The following DNAH3 variants were observed in gnomAD, a reference collection of about 807,000 sequenced individuals.
The protein encoded by DNAH3 is axonemal beta dynein heavy chain 3.
DNAH3 carries 332 observed loss-of-function variants against 432.5 expected under a neutral mutation model. That is an observed-to-expected ratio of 0.77 (90% CI 0.70 to 0.84). DNAH3 has a LOEUF of 0.84. Among genes scored for constraint, DNAH3 ranks in the 40% least tolerant of loss-of-function variants. DNAH3 has a pLI of 0.00. For synonymous variants in DNAH3, 1,956 were observed against 1,900.2 expected, an observed-to-expected ratio of 1.03 and a Z score of -0.76; for missense variants, 4,861 against 5,114.0, an observed-to-expected ratio of 0.95 and a Z score of 1.51.
At chr16:20,957,981 CAA>C (rs2084649172) in intron 54 of DNAH3, among the ~76,000 whole-genome samples, 1 of 151,434 alleles carries the variant, frequency 6.6e-6, no homozygotes, top group Non-Finnish European at 1.5e-5. Context: ...TAGCTGTTTC[CAA>C]TGTTGATTAA....
intron 44 of DNAH3, among the ~76,000 whole-genome samples, chr16:20,994,347 A>T (rs1345304932): frequency 1.3e-5 from 2 of 152,140 alleles, no homozygotes; most frequent in Non-Finnish European, 2.9e-5. Flanking sequence ...CAAGAGAATC[A>T]CTTGAACCCG....
At chr16:21,092,584 C>T (rs2091566464) in intron 18 of DNAH3, among the ~76,000 whole-genome samples, 1 of 149,224 alleles carries the variant, frequency 6.7e-6, no homozygotes, top group East Asian at 2.0e-4. Flanking sequence ...TTAGTTACAA[C>T]ACAGAAGGCA....
At chr16:21,039,879 T>C in exon 33 of DNAH3, 4 of 1,613,154 alleles carry the variant, frequency 2.5e-6, no homozygotes, top group Non-Finnish European at 3.4e-6. Flanking sequence ...CCCCATGGAG[T>C]AGAGGGAGAT....
intron 44 of DNAH3, 74 bp from the exon 45 acceptor site, chr16:20,988,139 A>C (rs2086300774): frequency 1.3e-6 from 2 of 1,584,304 alleles, no homozygotes; most frequent in African/African-American, 1.3e-5. Flanking sequence ...CCTAGGATGC[A>C]CACGAGGTGG....
chr16:21,022,677 C>A (rs2088305176), intron 39 of DNAH3, among the ~76,000 whole-genome samples: 1 of 151,608 alleles, frequency 6.6e-6, no homozygotes, highest in African/African-American at 2.4e-5. Context: ...ATCCGACTTG[C>A]TTTTCTTGTA....
At chr16:20,980,912 C>G (rs1453040385) in intron 49 of DNAH3, among the ~76,000 whole-genome samples, 1 of 152,140 alleles carries the variant, frequency 6.6e-6, no homozygotes, top group African/African-American at 2.4e-5. Context: ...CACAGTTACT[C>G]AACTCTGCCA....
intron 20 of DNAH3, among the ~76,000 whole-genome samples, chr16:21,081,107 G>A (rs549424450): frequency 4.6e-5 from 7 of 151,780 alleles, no homozygotes; most frequent in Non-Finnish European, 1.0e-4. Flanking sequence ...TAGTAGAAAC[G>A]GGGGTTTCAC....
At chr16:20,975,401 T>C (rs2085540188) in exon 51 of DNAH3, 2 of 1,613,870 alleles carry the variant, frequency 1.2e-6, no homozygotes, top group Admixed American at 1.7e-5. Context: ...TCAGTTCTCT[T>C]TGCATAACCG....
intron 1 of DNAH3, among the ~76,000 whole-genome samples, chr16:21,149,537 C>A (rs555954855): frequency 3.3e-5 from 5 of 152,150 alleles, no homozygotes; most frequent in African/African-American, 1.2e-4. Context: ...CCCAAATGCT[C>A]GTCTGAGGAC....
At chr16:21,123,763 T>G (rs1323047643) in intron 9 of DNAH3, among the ~76,000 whole-genome samples, 1 of 152,180 alleles carries the variant, frequency 6.6e-6, no homozygotes, top group Non-Finnish European at 1.5e-5. Flanking sequence ...TATGGTGCTT[T>G]GAAAACTAGG....
At chr16:21,002,391 G>T (rs1376235379) in intron 42 of DNAH3, among the ~76,000 whole-genome samples, 6 of 152,032 alleles carry the variant, frequency 3.9e-5, no homozygotes, top group East Asian at 1.9e-4. Context: ...AGGATTCAAA[G>T]AATCCTTTTT....
At chr16:21,045,641 ATT>A (rs1286753412) in intron 31 of DNAH3, among the ~76,000 whole-genome samples, 1 of 139,216 alleles carries the variant, frequency 7.2e-6, no homozygotes, top group Non-Finnish European at 1.6e-5. Flanking sequence ...GGATTCATTA[ATT>A]TTTTGAAGGG....
intron 24 of DNAH3, among the ~76,000 whole-genome samples, chr16:21,063,524 A>ATTTTAT (rs1027416993): frequency 1.0e-4 from 15 of 143,066 alleles, no homozygotes; most frequent in South Asian, 4.4e-4. Context: ...ATTTTATTTT[A>ATTTTAT]TTTTATTTTT....
intron 16 of DNAH3, among the ~76,000 whole-genome samples, chr16:21,100,221 G>A (rs530761794): frequency 6.6e-6 from 1 of 152,010 alleles, no homozygotes; most frequent in Non-Finnish European, 1.5e-5. Flanking sequence ...ATAGGTGCCC[G>A]CCACCATGCC....
exon 24 of DNAH3, chr16:21,067,391 G>A: frequency 6.2e-7 from 1 of 1,613,864 alleles, no homozygotes; most frequent in Non-Finnish European, 8.5e-7. Context: ...TGGCTGGTCG[G>A]CTGCCACCAG....
At chr16:21,083,978 G>A (rs1398032432) in intron 19 of DNAH3, among the ~76,000 whole-genome samples, 2 of 152,070 alleles carry the variant, frequency 1.3e-5, no homozygotes, top group Non-Finnish European at 2.9e-5. Flanking sequence ...TGTGCTCCCC[G>A]GCCCTCTCTC....
chr16:21,030,632 A>G (rs1017185046), intron 37 of DNAH3, among the ~76,000 whole-genome samples: 9 of 152,238 alleles, frequency 5.9e-5, no homozygotes, highest in African/African-American at 2.2e-4. Flanking sequence ...TTATATAGCA[A>G]TAAGTAACCA....
At chr16:21,142,482 T>C (rs1597480836) in intron 3 of DNAH3, among the ~76,000 whole-genome samples, 2 of 152,164 alleles carry the variant, frequency 1.3e-5, no homozygotes, top group South Asian at 2.1e-4. Context: ...TAAGTACATA[T>C]TTATTGCAAG....
chr16:20,965,175 G>T (rs1045322104), exon 53 of DNAH3: 2 of 1,613,882 alleles, frequency 1.2e-6, no homozygotes, highest in Non-Finnish European at 8.5e-7. Flanking sequence ...GCTCCCGTTT[G>T]GGAGCCACCA....
Sources: gnomAD v4.1 joint callset for allele counts (sites outside exome capture counted in the v4.1 genomes callset) on GRCh38, gnomAD v4.1.1 for gene constraint, MANE v1.5 for transcripts, NCBI Gene and HGNC (gene_info 2026-07-23, HGNC 2026-07-21) for gene names.